Variants in ZNF280D observed in about 807,000 individuals in gnomAD.
ZNF280D encodes suppressor of hairy wing homolog 4.
ZNF280D carries 39 observed loss-of-function variants against 94.7 expected under a neutral mutation model. That is an observed-to-expected ratio of 0.41 (90% confidence interval 0.32 to 0.54). ZNF280D has a LOEUF of 0.54. Among genes scored for constraint, ZNF280D ranks in the 20% least tolerant of loss-of-function variants. The pLI is 0.22. For synonymous variants in ZNF280D, 398 were observed against 377.6 expected, an observed-to-expected ratio of 1.05 and a Z score of -0.63; for missense variants, 1,090 against 1,149.3, an observed-to-expected ratio of 0.95 and a Z score of 0.75.
intron 9 of ZNF280D, among the ~76,000 whole-genome samples, chr15:56,686,508 G>C (rs1342705762): frequency 2.0e-5 from 3 of 152,118 alleles, no homozygotes; most frequent in Non-Finnish European, 2.9e-5. Flanking sequence ...AAACAAAATT[G>C]CAATATATGA....
At chr15:56,710,066 A>G (rs752458329) in intron 1 of ZNF280D, among the ~76,000 whole-genome samples, 21 of 152,364 alleles carry the variant, frequency 1.4e-4, no homozygotes, top group Admixed American at 7.2e-4. Context: ...AAAGATGTTC[A>G]ATGGAGACAT....
At chr15:56,642,909 C>T in intron 20 of ZNF280D, 43 bp downstream of exon 20, 2 of 1,378,034 alleles carry the variant, frequency 1.5e-6, no homozygotes, top group South Asian at 3.3e-5. Flanking sequence ...ATAATACTTT[C>T]AAATGTATAA....
In ZNF280D at chr15:56,631,772, T is replaced by C; in HGVS notation, c.2666A>G (p.Asp889Gly). The C allele has an allele frequency of 6.2e-7, 1 of 1,614,188 alleles. No homozygotes were observed. The highest frequency in any genetic ancestry group is 1.7e-5 in the Admixed American group (1 of 60,018). The change falls in exon 22 of 22, where the codon GAT (aspartate) becomes GGT (glycine). Residue 889 changes from aspartate (D) to glycine (G), a missense_variant. Physicochemically the swap from Asp to Gly is moderately conservative, Grantham distance 94 (BLOSUM62 -1). Coordinates refer to ENST00000267807, the MANE Select transcript of ZNF280D (RefSeq NM_017661.4). ...KNIKDLRLAS[D>G]NVSIDQFLRK... ...CAAAAACTGATCAATGCTTACATTA[T>C]CTGATGCTAATCGCAAATCCTTAAT...
intron 21 of ZNF280D, among the ~76,000 whole-genome samples, chr15:56,634,626 A>G (rs1313412154): frequency 3.3e-5 from 5 of 152,122 alleles, no homozygotes; most frequent in Admixed American, 3.3e-4. Flanking sequence ...AATTACTTAA[A>G]AGACAAAATA....
intron 1 of ZNF280D, among the ~76,000 whole-genome samples, chr15:56,715,639 T>C (rs1431795876): frequency 2.6e-5 from 4 of 152,058 alleles, no homozygotes; most frequent in African/African-American, 9.7e-5. Context: ...AAGGAATATG[T>C]TAATTAAATA....
At chr15:56,634,120 T>G (rs1173765244) in intron 21 of ZNF280D, 12 of 152,122 alleles carry the variant, frequency 7.9e-5, no homozygotes, top group Admixed American at 5.9e-4. Flanking sequence ...TTTGTATCAT[T>G]TTTGTTACAT....
At chr15:56,697,116 T>C (rs1421563954) in intron 6 of ZNF280D, among the ~76,000 whole-genome samples, 4 of 152,192 alleles carry the variant, frequency 2.6e-5, no homozygotes, top group African/African-American at 9.7e-5. Flanking sequence ...CTAAGTTAAT[T>C]TGATTCCAAC....
chr15:56,659,913 A>T (rs113378723), intron 16 of ZNF280D, among the ~76,000 whole-genome samples: 2,769 of 151,540 alleles, frequency 0.018, 30 homozygotes, highest in East Asian at 0.03. Flanking sequence ...GGAAAAAAAA[A>T]ATATATATAT....
At chr15:56,709,885 C>A (rs2057659658) in intron 1 of ZNF280D, among the ~76,000 whole-genome samples, 1 of 152,082 alleles carries the variant, frequency 6.6e-6, no homozygotes, top group Non-Finnish European at 1.5e-5. Context: ...GGAGGGATAG[C>A]ATTAGGAGAT....
rs146017845 is a variant in ZNF280D, at chr15:56,668,993, A to G, written c.1411-36T>C. On this transcript the variant is annotated intron_variant, in intron 13 of 21. Transcript: ENST00000267807. Reference sequence around the variant, plus strand: ...AAAAACAGAAAAAGGGGGAAAAATAATTTCAAAAACTACAAATCCTGTGTC... The same window carrying G: ...AAAAACAGAAAAAGGGGGAAAAATAGTTTCAAAAACTACAAATCCTGTGTC... 437 of 1,583,564 alleles carry G rather than the reference A, an allele frequency of 2.8e-4. 1 individual carries two copies. The African/African-American group carries it at 5.4e-3, about 20-fold the overall frequency.
At chr15:56,696,878 T>A (rs78238057) in intron 6 of ZNF280D, among the ~76,000 whole-genome samples, 3 of 152,224 alleles carry the variant, frequency 2.0e-5, no homozygotes, top group African/African-American at 7.2e-5. Context: ...AACCATCAGC[T>A]GAGGTGCTTT....
chr15:56,714,581 G>A (rs1346478277), intron 1 of ZNF280D, among the ~76,000 whole-genome samples: 15 of 152,136 alleles, frequency 9.9e-5, no homozygotes, highest in Non-Finnish European at 1.2e-4. Flanking sequence ...GACTAGAATA[G>A]GGAAAATCCA....
In ZNF280D at chr15:56,724,891, G is replaced by A. The variant is rs76107600; in HGVS notation, c.-86+8567C>T. 1,442 of 452,358 alleles carry A rather than the reference G, an allele frequency of 3.2e-3. 19 individuals are homozygous for A. Among genetic ancestry groups the A allele is most frequent in the African/African-American group, 0.027 (1,323 of 49,710 alleles). 28.0% of individuals were successfully genotyped at this position (452,358 alleles called of 1,614,324 possible). On this transcript the variant is annotated intron_variant, in intron 1 of 21. Transcript: ENST00000267807. ...TTGTCAGATCTATTTTTTTTCTCAT[G>A]GAATGTAAGAAAGCTATTTCCATGT...
At chr15:56,661,825 C>A (rs2053962078) in intron 16 of ZNF280D, among the ~76,000 whole-genome samples, 1 of 152,156 alleles carries the variant, frequency 6.6e-6, no homozygotes, top group South Asian at 2.1e-4. Flanking sequence ...TTGAATATCT[C>A]TTAAGTGCAA....
At position 56,653,738 on chromosome 15, in the gene ZNF280D, T is replaced by C. The variant is rs1347974916; in HGVS notation, c.2213+460A>G. ...ACAAACAGCCATATAATTTGGAATC[T>C]ATTATTCTGAAGGCAAGTACAGCAG... On this transcript the variant is annotated intron_variant, in intron 19 of 21. Transcript: ENST00000267807. The C allele has an allele frequency of 2.3e-6, 3 of 1,305,732 alleles. No homozygotes were observed. The African/African-American group carries it at 4.6e-5, about 20-fold the overall frequency. The allele number at this position is 1,305,732 out of a possible 1,614,324, so 80.9% of individuals were successfully genotyped here.
chr15:56,660,664 G>A (rs1212898443), intron 16 of ZNF280D, among the ~76,000 whole-genome samples: 1 of 151,846 alleles, frequency 6.6e-6, no homozygotes, highest in Non-Finnish European at 1.5e-5. Flanking sequence ...AAAATATAAT[G>A]TTAAAACCTA....
chr15:56,675,638 T>TGTG (rs1404163488), intron 13 of ZNF280D, among the ~76,000 whole-genome samples: 1 of 152,020 alleles, frequency 6.6e-6, no homozygotes, highest in Non-Finnish European at 1.5e-5. Flanking sequence ...CTCAAGGATG[T>TGTG]GTGGCATCCT....
At chr15:56,661,640 T>A (rs1217102917) in intron 16 of ZNF280D, among the ~76,000 whole-genome samples, 1 of 152,122 alleles carries the variant, frequency 6.6e-6, no homozygotes, top group African/African-American at 2.4e-5. Context: ...TTACAGAAAA[T>A]CTTCCCTTAT....
At chr15:56,699,340 A>T in intron 6 of ZNF280D, 1 of 921,320 alleles carries the variant, frequency 1.1e-6, no homozygotes, top group Non-Finnish European at 1.3e-6. Context: ...CACACCTCTC[A>T]CTCAATCAAA....
Sources: allele counts gnomAD v4.1 joint callset (sites outside exome capture counted in the v4.1 genomes callset), GRCh38; gene constraint gnomAD v4.1.1; transcripts MANE v1.5; gene names NCBI Gene and HGNC (gene_info 2026-07-23, HGNC 2026-07-21).